Variants in TP53INP1 observed in about 807,000 individuals in gnomAD.
TP53INP1 encodes the protein tumor protein p53 inducible nuclear protein 1.
Under a neutral mutation model 21.0 loss-of-function variants are expected in TP53INP1, and 12 were observed. The ratio of observed to expected loss-of-function variants is 0.57; its 90% CI spans 0.37 to 0.93. The LOEUF (loss-of-function observed/expected upper bound fraction) is 0.93, where lower values mean the gene tolerates loss of function less well. Among genes scored for constraint, TP53INP1 ranks in the 40% least tolerant of loss-of-function variants. TP53INP1 has a pLI of 0.01. For missense variants in TP53INP1, 274 were observed against 294.7 expected (o/e 0.93, Z 0.51); for synonymous variants, 91 against 94.8 (o/e 0.96, Z 0.23).
chr8:94,936,423 TGACA>T lies in TP53INP1; in HGVS notation c.473+3433_473+3436del, dbSNP rs1274299725. ...ACACTGCCAATAGCTCTCAACTGAC[TGACA>T]AAGAGCTGCTTGGTTGTGGATGGCA... is the stretch of plus-strand genomic sequence containing the variant. On this transcript the variant is annotated intron_variant, in intron 3 of 3. Transcript: ENST00000342697. Among the ~76,000 whole-genome samples, 8 of 152,330 alleles carry T rather than the reference TGACA, an allele frequency of 5.3e-5. No individual in the cohort carries two copies. In the South Asian group the frequency reaches 8.3e-4, roughly 16 times the overall value.
chr8:94,933,333 AAAC>A (rs1298691320), intron 3 of TP53INP1, among the ~76,000 whole-genome samples: 1 of 152,256 alleles, frequency 6.6e-6, no homozygotes, highest in Non-Finnish European at 1.5e-5. Flanking sequence ...CAAGATATAA[AAAC>A]AACATTCTCA....
rs538747920 is a variant in TP53INP1, at chr8:94,937,988, T to C, written c.473+1872A>G. On this transcript the variant is annotated intron_variant, in intron 3 of 3. Coordinates refer to ENST00000342697, the MANE Select transcript of TP53INP1 (RefSeq NM_033285.4). ...CTAAAGCTAACGTCCCTTCCAGAGA[T>C]GGAAAAGTTTGGGTATAAATGAAGA... Among the ~76,000 whole-genome samples the C allele has an allele frequency of 1.0e-3, 155 of 152,108 alleles. 2 individuals are homozygous for C. The highest frequency in any genetic ancestry group is 3.6e-3 in the African/African-American group (149 of 41,500).
chr8:94,939,697 C>T, intron 3 of TP53INP1, 163 bp downstream of exon 3: 1 of 1,038,624 alleles, frequency 9.6e-7, no homozygotes, highest in Non-Finnish European at 1.4e-6. Context: ...TGTGACTGGT[C>T]AACAAGTTAT....
chr8:94,932,766 G>A (rs1236101207), intron 3 of TP53INP1, among the ~76,000 whole-genome samples: 2 of 152,122 alleles, frequency 1.3e-5, no homozygotes, highest in African/African-American at 4.8e-5. Context: ...TAGCGCCACT[G>A]CACTCCAGCC....
At chr8:94,937,239 G>A (rs989685584) in intron 3 of TP53INP1, among the ~76,000 whole-genome samples, 3 of 152,074 alleles carry the variant, frequency 2.0e-5, no homozygotes, top group African/African-American at 7.2e-5. Flanking sequence ...TCAGGAGTTC[G>A]AGACTAGCCT....
At chr8:94,939,738 G>T in intron 3 of TP53INP1, 122 bp downstream of exon 3, 1 of 1,367,602 alleles carries the variant, frequency 7.3e-7, no homozygotes, top group Non-Finnish European at 1.0e-6. Flanking sequence ...CTATGCACAT[G>T]CTTTCATAAA....
At chr8:94,934,389 A>ATT (rs757874716) in intron 3 of TP53INP1, among the ~76,000 whole-genome samples, 238 of 143,386 alleles carry the variant, frequency 1.7e-3, no homozygotes, top group African/African-American at 5.7e-3. Flanking sequence ...TATAAATTCT[A>ATT]TTTTTTTTTT....
At position 94,940,096 on chromosome 8, in the gene TP53INP1, TG is replaced by T; in HGVS notation, c.236del (p.Thr79LysfsTer31). The T allele has an allele frequency of 6.2e-7, 1 of 1,614,214 alleles. No individual in the cohort carries two copies. The highest frequency in any genetic ancestry group is 8.5e-7 in the Non-Finnish European group (1 of 1,180,040). On this transcript the variant is annotated frameshift_variant, in exon 3 of 4. Transcript: ENST00000342697. LOFTEE classifies it high-confidence loss of function. ...LPASLECLAD[T>X]SDSCFLQFES... is the part of the protein sequence containing the mutation. ...CAAACTGGAGAAAGCAGGAATCACT[TG>T]TATCAGCCAAGCACTCAAGAGATGC...
intron 1 of TP53INP1, among the ~76,000 whole-genome samples, chr8:94,944,616 G>C (rs948298393): frequency 1.3e-5 from 2 of 152,192 alleles, no homozygotes; most frequent in African/African-American, 4.8e-5. Context: ...AGCCAAGTGA[G>C]GGAGGAGCTC....
chr8:94,946,106 GT>G (rs11301626), intron 1 of TP53INP1, among the ~76,000 whole-genome samples: 87,497 of 149,034 alleles, frequency 0.59, 27,478 homozygotes, highest in East Asian at 0.78. Flanking sequence ...CTTTTCTTCT[GT>G]TTTTTTTTTT....
intron 1 of TP53INP1, among the ~76,000 whole-genome samples, chr8:94,948,919 C>T (rs1361068735): frequency 3.3e-5 from 5 of 151,410 alleles, no homozygotes; most frequent in African/African-American, 1.2e-4. Flanking sequence ...CCTCTGTCAG[C>T]CTCTGTCCGC....
chr8:94,939,696 T>C, intron 3 of TP53INP1, 164 bp downstream of exon 3: 1 of 1,020,570 alleles, frequency 9.8e-7, no homozygotes, highest in Non-Finnish European at 1.4e-6. Flanking sequence ...CTGTGACTGG[T>C]CAACAAGTTA....
At chr8:94,946,341 T>A (rs1821988609) in intron 1 of TP53INP1, among the ~76,000 whole-genome samples, 1 of 152,108 alleles carries the variant, frequency 6.6e-6, no homozygotes, top group Non-Finnish European at 1.5e-5. Context: ...GAAGATCTTG[T>A]TAGCATAATT....
rs1256419696 is a variant in TP53INP1 at position 94,929,220 on chromosome 8, A to G, written c.*1259T>C. ...AGTAGAAAGGCCCTTGGAATTTCCT[A>G]CAAGGTTCAGTTCTGAACAGCTCCA... is the stretch of plus-strand genomic sequence containing the variant. On this transcript the variant is annotated 3_prime_UTR_variant, in exon 4 of 4. Coordinates refer to ENST00000342697, the MANE Select transcript of TP53INP1 (RefSeq NM_033285.4). 1 of 152,306 alleles carries G rather than the reference A, an allele frequency of 6.6e-6. No individual in the cohort carries two copies. The highest frequency in any genetic ancestry group is 1.5e-5 in the Non-Finnish European group (1 of 68,072). The allele number at this position is 152,306 out of a possible 1,614,324, so 9.4% of individuals were successfully genotyped here. A position where few individuals can be genotyped will look rare whatever the true frequency, so the allele number is the denominator to read the frequency against.
chr8:94,937,914 G>T (rs915625741), intron 3 of TP53INP1, among the ~76,000 whole-genome samples: 11 of 152,142 alleles, frequency 7.2e-5, no homozygotes, highest in African/African-American at 2.4e-4. Flanking sequence ...TGAGGGAGAG[G>T]TACTTGCTAA....
At chr8:94,937,594 G>A (rs1821113417) in intron 3 of TP53INP1, among the ~76,000 whole-genome samples, 2 of 152,192 alleles carry the variant, frequency 1.3e-5, no homozygotes, top group African/African-American at 2.4e-5. Flanking sequence ...CAAGGGTTAA[G>A]TATGCTAGTA....
Position 94,929,793 on chromosome 8 carries a change from C to G in TP53INP1, c.*686G>C, listed in dbSNP as rs536489262. 1.3e-5 allele frequency: 2 copies of G among 152,370 alleles called. No homozygotes were observed. Among genetic ancestry groups the G allele is most frequent in the South Asian group, 4.1e-4 (2 of 4,830 alleles). 9.4% of individuals were successfully genotyped at this position (152,370 alleles called of 1,614,324 possible). On this transcript the variant is annotated 3_prime_UTR_variant, in exon 4 of 4. Transcript: ENST00000342697. ...CTCTGCACGAGACAAGTGCCTCTGTCTACAACACCTGTAATGTCTGTACCA... is the reference window on the plus strand; with the variant it reads ...CTCTGCACGAGACAAGTGCCTCTGTGTACAACACCTGTAATGTCTGTACCA...
At position 94,926,556 on chromosome 8, in the gene TP53INP1, C is replaced by G. The variant is rs1284284710; in HGVS notation, c.*3923G>C. The G allele has an allele frequency of 6.6e-6, 1 of 152,126 alleles. No homozygotes were observed. Among genetic ancestry groups the G allele is most frequent in the Non-Finnish European group, 1.5e-5 (1 of 68,016 alleles). 9.4% of individuals were successfully genotyped at this position (152,126 alleles called of 1,614,324 possible). On this transcript the variant is annotated 3_prime_UTR_variant, in exon 4 of 4. Transcript: ENST00000342697. The stretch of plus-strand genomic sequence containing the variant: ...ACTGGTTTGGTTTTCAGAGGTCCAC[C>G]TAGAAAACAAATACTAAAACTTCAG...
At chr8:94,942,335 C>T (rs1821623219) in intron 1 of TP53INP1, among the ~76,000 whole-genome samples, 1 of 152,018 alleles carries the variant, frequency 6.6e-6, no homozygotes, top group African/African-American at 2.4e-5. Context: ...CTGCCGCACC[C>T]GCATGCCTTT....
Sources: allele counts gnomAD v4.1 joint callset (sites outside exome capture counted in the v4.1 genomes callset), GRCh38; gene constraint gnomAD v4.1.1; transcripts MANE v1.5; gene names NCBI Gene and HGNC (gene_info 2026-07-23, HGNC 2026-07-21).